DOCK1: variants seen among roughly 807,000 people sequenced by gnomAD.
DOCK1 encodes the protein dedicator of cytokinesis protein 1.
DOCK1 carries 138 observed loss-of-function variants against 262.7 expected under a neutral mutation model. The ratio of observed to expected loss-of-function variants is 0.53; its 90% CI spans 0.46 to 0.61. DOCK1 has a LOEUF of 0.61. DOCK1 is among the 20% of genes least tolerant of loss of function. DOCK1 has a pLI of 0.00. For synonymous variants in DOCK1, 866 were observed against 867.4 expected (o/e 1.00, Z 0.03); for missense variants, 1,908 against 2,370.7 (o/e 0.80, Z 4.05).
chr10:127,288,874 C>T (rs1215915694), intron 29 of DOCK1, among the ~76,000 whole-genome samples: 1 of 151,424 alleles, frequency 6.6e-6, no homozygotes, highest in Admixed American at 6.6e-5. Flanking sequence ...TAGGATATAT[C>T]CTGCAGACAT....
intron 21 of DOCK1, among the ~76,000 whole-genome samples, chr10:127,050,434 T>C (rs9418813): frequency 0.88 from 133,231 of 151,922 alleles, 58,635 homozygotes; most frequent in South Asian, 0.93. Context: ...TATGCCCTGC[T>C]GGGTGCAGTG....
intron 2 of DOCK1, among the ~76,000 whole-genome samples, chr10:126,974,845 T>G (rs1565021147): frequency 6.6e-6 from 1 of 152,096 alleles, no homozygotes; most frequent in Non-Finnish European, 1.5e-5. Flanking sequence ...CGGGCTCACT[T>G]TGTTGAAGAA....
chr10:127,337,160 A>C (rs1590544101), intron 29 of DOCK1, among the ~76,000 whole-genome samples: 1 of 152,060 alleles, frequency 6.6e-6, no homozygotes, highest in South Asian at 2.1e-4. Context: ...GGCACAGCCC[A>C]CCCTGTAATG....
intron 32 of DOCK1, among the ~76,000 whole-genome samples, chr10:127,358,171 T>G (rs1409013290): frequency 6.6e-6 from 1 of 152,048 alleles, no homozygotes; most frequent in Non-Finnish European, 1.5e-5. Flanking sequence ...GCTCCATGAG[T>G]CTCCTCCTTC....
intron 1 of DOCK1, among the ~76,000 whole-genome samples, chr10:126,911,166 T>C (rs4246203): frequency 0.99 from 151,008 of 152,312 alleles, 74,880 homozygotes; most frequent in South Asian, 1. Context: ...TCACCAGCAG[T>C]GTATATGTGA....
chr10:127,316,216 A>G (rs2062274709), intron 29 of DOCK1, among the ~76,000 whole-genome samples: 1 of 152,192 alleles, frequency 6.6e-6, no homozygotes, highest in South Asian at 2.1e-4. Flanking sequence ...ATATGATACA[A>G]TATTATTAAC....
chr10:127,451,601 G>A lies in DOCK1; in HGVS notation c.*174G>A, dbSNP rs375120948. 7.5e-5 allele frequency: 108 copies of A among 1,439,142 alleles called. 1 individual carries two copies. The East Asian group carries it at 9.9e-4, about 13-fold the overall frequency. 89.1% of individuals were successfully genotyped at this position (1,439,142 alleles called of 1,614,324 possible). ...CACCATGGAGTGAGTGGCCTTTAGC[G>A]TCATGGAGCAAGGTGGGTCTGGGAG... On this transcript the variant is annotated 3_prime_UTR_variant, in exon 52 of 52. Coordinates refer to ENST00000623213, the MANE Select transcript of DOCK1 (RefSeq NM_001290223.2).
intron 27 of DOCK1, among the ~76,000 whole-genome samples, chr10:127,215,416 T>A (rs576108294): frequency 1.3e-5 from 2 of 152,300 alleles, no homozygotes; most frequent in South Asian, 4.1e-4. Flanking sequence ...AGGGTCTCTG[T>A]TACTTGGCGC....
chr10:127,119,336 G>C (rs1367368956), intron 25 of DOCK1, among the ~76,000 whole-genome samples: 1 of 152,156 alleles, frequency 6.6e-6, no homozygotes, highest in Non-Finnish European at 1.5e-5. Flanking sequence ...GTGAGCCACC[G>C]CGCCCGGCCG....
intron 30 of DOCK1, among the ~76,000 whole-genome samples, chr10:127,340,047 T>C (rs759803799): frequency 1.2e-4 from 18 of 152,176 alleles, no homozygotes; most frequent in Non-Finnish European, 2.6e-4. Context: ...CAATGCTCTT[T>C]CATTTGCATT....
At chr10:127,092,263 G>A (rs975326805) in intron 23 of DOCK1, among the ~76,000 whole-genome samples, 23 of 152,188 alleles carry the variant, frequency 1.5e-4, no homozygotes, top group African/African-American at 5.3e-4. Flanking sequence ...GAGCTGGATC[G>A]GGGAGGAGAG....
chr10:127,042,565 C>A, intron 19 of DOCK1, 60 bp from the exon 20 acceptor site: 1 of 1,424,992 alleles, frequency 7.0e-7, no homozygotes, highest in Non-Finnish European at 9.9e-7. Context: ...ATAGTTATTC[C>A]AGTGTGTGGG....
chr10:127,103,252 G>A (rs1325511035), intron 23 of DOCK1, among the ~76,000 whole-genome samples: 1 of 152,186 alleles, frequency 6.6e-6, no homozygotes, highest in Admixed American at 6.5e-5. Context: ...TAAGGGTTTT[G>A]TAACCGTCAT....
intron 27 of DOCK1, among the ~76,000 whole-genome samples, chr10:127,174,228 TG>T (rs2054852533): frequency 6.6e-6 from 1 of 152,194 alleles, no homozygotes; most frequent in Admixed American, 6.5e-5. Context: ...GCACATCACA[TG>T]AGGCAACAGG....
At chr10:127,161,639 G>GC (rs1207668228) in intron 27 of DOCK1, among the ~76,000 whole-genome samples, 12 of 152,152 alleles carry the variant, frequency 7.9e-5, no homozygotes, top group African/African-American at 2.4e-4. Context: ...CTCTCCAGCT[G>GC]CCCGGCTGCC....
At chr10:126,915,174 T>A (rs10751589) in intron 1 of DOCK1, among the ~76,000 whole-genome samples, 37,968 of 152,038 alleles carry the variant, frequency 0.25, 5,418 homozygotes, top group East Asian at 0.52. Flanking sequence ...AGGAAGAATG[T>A]TAGTCTGGAC....
chr10:127,185,514 CTAT>C (rs1326363178), intron 27 of DOCK1, among the ~76,000 whole-genome samples: 1 of 152,178 alleles, frequency 6.6e-6, no homozygotes, highest in African/African-American at 2.4e-5. Context: ...AATCTTAACA[CTAT>C]ACATCACAGT....
At chr10:126,996,338 C>G (rs2379274) in intron 6 of DOCK1, among the ~76,000 whole-genome samples, 42,382 of 145,494 alleles carry the variant, frequency 0.29, 6,504 homozygotes, top group East Asian at 0.58. Context: ...CGAGATCGCA[C>G]CACTGCACTC....
chr10:127,227,094 ATCTCGTTGAAGTCCAGT>A (rs1255238044), intron 27 of DOCK1, among the ~76,000 whole-genome samples: 1 of 152,192 alleles, frequency 6.6e-6, no homozygotes, highest in Non-Finnish European at 1.5e-5. Context: ...GATCCCAGGA[ATCTCGTTGAAGTCCAGT>A]TCTCCACGTG....
Sources: gnomAD v4.1 joint callset for allele counts (sites outside exome capture counted in the v4.1 genomes callset) on GRCh38, gnomAD v4.1.1 for gene constraint, MANE v1.5 for transcripts, NCBI Gene and HGNC (gene_info 2026-07-23, HGNC 2026-07-21) for gene names.